ZNF625: variants seen among roughly 807,000 people sequenced by gnomAD.
ZNF625 encodes the protein zinc finger protein 625.
A neutral mutation model predicts 11.1 loss-of-function variants in ZNF625; 8 were observed. That is an observed-to-expected ratio of 0.72 (90% CI 0.42 to 1.30). ZNF625 has a LOEUF of 1.30. Ranked by LOEUF, ZNF625 falls within the 50% of genes most tolerant of loss-of-function variation. The pLI, the probability that ZNF625 is intolerant of heterozygous loss-of-function variation, is 0.01. For missense variants in ZNF625, 349 were observed against 447.6 expected (o/e 0.78, Z 1.99); for synonymous variants, 145 against 153.4 (o/e 0.95, Z 0.41).
chr19:12,156,391 A>C (rs1568392076), intron 1 of ZNF625, among the ~76,000 whole-genome samples, 165 bp downstream of exon 1: 1 of 151,396 alleles, frequency 6.6e-6, no homozygotes, highest in Non-Finnish European at 1.5e-5. Flanking sequence ...TGCCGGCCCA[A>C]CCCCACCCTG....
At chr19:12,155,588 A>C (rs2145616550) in intron 1 of ZNF625, among the ~76,000 whole-genome samples, 1 of 152,224 alleles carries the variant, frequency 6.6e-6, no homozygotes, top group African/African-American at 2.4e-5. Context: ...AAATGAATAA[A>C]ACCAAACTGC....
At chr19:12,148,765 C>A (rs888300738) in intron 1 of ZNF625, among the ~76,000 whole-genome samples, 1 of 151,436 alleles carries the variant, frequency 6.6e-6, no homozygotes, top group African/African-American at 2.4e-5. Flanking sequence ...GGATTACAGG[C>A]GCCCGCCACC....
rs921904270 is a variant in ZNF625, at chr19:12,147,743, C to A, written c.63G>T (p.Leu21=). ...TGTAGAGATTCTTCTGGGAAGGATC[C>A]AGCAAAGCCCACTCCTCCTGGGTGA... The part of the protein sequence containing the change: ...VNFTQEEWAL[L]DPSQKNLYRD... Residue 21 remains leucine, a synonymous_variant, in exon 2 of 4, where the codon CTG becomes CTT. Coordinates refer to ENST00000439556, the MANE Select transcript of ZNF625 (RefSeq NM_145233.4). The A allele has an allele frequency of 1.9e-6, 3 of 1,614,110 alleles. No homozygotes were observed. The highest frequency in any genetic ancestry group is 2.5e-6 in the Non-Finnish European group (3 of 1,180,004).
intron 2 of ZNF625, 35 bp downstream of exon 2, chr19:12,147,641 T>G: frequency 6.2e-7 from 1 of 1,613,402 alleles, no homozygotes; most frequent in Non-Finnish European, 8.5e-7. Context: ...ACTTGTTCTC[T>G]AATTCACTGA....
At position 12,145,708 on chromosome 19, in the gene ZNF625, T is replaced by C; in HGVS notation, c.708A>G (p.Ile236Met). 1 of 1,614,136 alleles carries C rather than the reference T, an allele frequency of 6.2e-7. No individual in the cohort carries two copies. Among genetic ancestry groups the C allele is most frequent in the Non-Finnish European group, 8.5e-7 (1 of 1,180,022 alleles). ...KAFSHSGSLR[I>M]HERTHTGEKP... The stretch of plus-strand genomic sequence containing the variant: ...TCTCTCCAGTGTGAGTTCTTTCATG[T>C]ATTCGAAGGCTACCAGAATGACTAA... Residue 236 changes from isoleucine (I) to methionine (M), a missense_variant, in exon 4 of 4, where the codon ATA becomes ATG. Coordinates refer to ENST00000439556, the MANE Select transcript of ZNF625 (RefSeq NM_145233.4).
Position 12,145,204 on chromosome 19 carries a change from G to T in ZNF625, c.*93C>A. 2 of 1,368,380 alleles carry T rather than the reference G, an allele frequency of 1.5e-6. No homozygotes were observed. Among genetic ancestry groups the T allele is most frequent in the Non-Finnish European group, 2.0e-6 (2 of 1,005,466 alleles). The allele number at this position is 1,368,380 out of a possible 1,614,324, so 84.8% of individuals were successfully genotyped here. A position where few individuals can be genotyped will look rare whatever the true frequency, so the allele number is the denominator to read the frequency against. On this transcript the variant is annotated 3_prime_UTR_variant, in exon 4 of 4. Transcript: ENST00000439556. ...CTGTCAAATGACAGTGACTGCAGAA[G>T]CTTCAGAATAATTTTGCGATGGTTC... is the stretch of plus-strand genomic sequence containing the variant.
rs200681416 is a variant in ZNF625 at position 12,145,636 on chromosome 19, T to C, written c.780A>G (p.Thr260=). The C allele has an allele frequency of 1.2e-6, 2 of 1,613,856 alleles. No individual in the cohort carries two copies. Among genetic ancestry groups the C allele is most frequent in the African/African-American group, 2.7e-5 (2 of 74,900 alleles). Residue 260 remains threonine (T), a synonymous_variant, in exon 4 of 4, where the codon ACA becomes ACG. Transcript: ENST00000439556. ...GAGTTATTTTATGTGCATGGAGGCA[T>C]GTGGAACTATGGAATGCTTTCCCAC... ...SECGKAFHSS[T]CLHAHKITHT... is the part of the protein sequence containing the mutation.
At chr19:12,148,874 G>A (rs1261236691) in intron 1 of ZNF625, among the ~76,000 whole-genome samples, 14 of 151,324 alleles carry the variant, frequency 9.3e-5, no homozygotes, top group Admixed American at 5.9e-4. Context: ...CACCTGTCTC[G>A]GCCTCCCAAA....
intron 1 of ZNF625, among the ~76,000 whole-genome samples, chr19:12,155,980 G>A (rs953225966): frequency 6.6e-6 from 1 of 151,916 alleles, no homozygotes; most frequent in Non-Finnish European, 1.5e-5. Flanking sequence ...CCCCCCAGTA[G>A]CTGGGATTAC....
At chr19:12,152,410 C>A (rs1976968422) in intron 1 of ZNF625, among the ~76,000 whole-genome samples, 1 of 152,144 alleles carries the variant, frequency 6.6e-6, no homozygotes, top group Admixed American at 6.6e-5. Context: ...GCATTCAATT[C>A]AGGAAAGCAA....
In ZNF625 at chr19:12,147,441, C is replaced by A. The variant is rs144252279; in HGVS notation, c.145G>T (p.Asp49Tyr). Residue 49 changes from aspartate to tyrosine, a missense_variant, in exon 3 of 4, where the codon GAT becomes TAT. Asp to Tyr is a radical substitution (Grantham distance 160). Coordinates refer to ENST00000439556, the MANE Select transcript of ZNF625 (RefSeq NM_145233.4). ...NLASVGKKWK[D>Y]QKIEDEYKNP... ...TTGTACTCATCTTCAATTTTCTGATCTTTCCATTTTTTTCCTAAAATACAG... is the reference window on the plus strand; with the variant it reads ...TTGTACTCATCTTCAATTTTCTGATATTTCCATTTTTTTCCTAAAATACAG... The A allele has an allele frequency of 9.9e-4, 1,522 of 1,532,168 alleles. 17 individuals carry two copies. The highest frequency in any genetic ancestry group is 9.4e-3 in the South Asian group (758 of 80,848). 94.9% of individuals were successfully genotyped at this position (1,532,168 alleles called of 1,614,324 possible).
At chr19:12,146,338 G>A (rs1976872666) in intron 3 of ZNF625, 114 bp from the exon 4 acceptor site, 2 of 995,038 alleles carry the variant, frequency 2.0e-6, no homozygotes, top group African/African-American at 1.6e-5. Context: ...TAGGCTTTCT[G>A]CCCTGTCTGA....
chr19:12,148,574 G>T (rs1976909432), intron 1 of ZNF625, among the ~76,000 whole-genome samples: 2 of 151,698 alleles, frequency 1.3e-5, no homozygotes, highest in Non-Finnish European at 2.9e-5. Context: ...AAATGGCTCA[G>T]CCCCTATGGA....
At chr19:12,149,537 T>G (rs1037259089) in intron 1 of ZNF625, among the ~76,000 whole-genome samples, 5 of 152,116 alleles carry the variant, frequency 3.3e-5, no homozygotes, top group African/African-American at 1.2e-4. Context: ...GTTGTCTAAC[T>G]AAATCAACTG....
In ZNF625 at chr19:12,146,077, A is replaced by T; in HGVS notation, c.339T>A (p.Asn113Lys). Residue 113 changes from asparagine to lysine, a missense_variant, in exon 4 of 4, where the codon AAT (asparagine) becomes AAA (lysine). Asn to Lys is a moderately conservative substitution (Grantham distance 94). Coordinates refer to ENST00000439556, the MANE Select transcript of ZNF625 (RefSeq NM_145233.4). ...GEVSVGHASL[N>K]RHHRADTGHK... ...GTCCAGTGTCAGCTCTGTGGTGCCT[A>T]TTAAGGGATGCATGACCCACGCTGA... The T allele has an allele frequency of 1.2e-6, 2 of 1,614,044 alleles. No individual in the cohort carries two copies. The highest frequency in any genetic ancestry group is 1.7e-6 in the Non-Finnish European group (2 of 1,179,986).
At chr19:12,148,181 T>C (rs951989110) in intron 1 of ZNF625, among the ~76,000 whole-genome samples, 2 of 152,130 alleles carry the variant, frequency 1.3e-5, no homozygotes, top group African/African-American at 2.4e-5. Context: ...GGTTTTACCA[T>C]GTTGGCCAGA....
Position 12,145,604 on chromosome 19 carries a change from C to G in ZNF625, c.812G>C (p.Gly271Ala), listed in dbSNP as rs534761350. Residue 271 changes from glycine (G) to alanine (A), a missense_variant, in exon 4 of 4, where the codon GGG (glycine) becomes GCG (alanine). By Grantham distance (60) the Gly-to-Ala change is moderately conservative (BLOSUM62 0). Coordinates refer to ENST00000439556, the MANE Select transcript of ZNF625 (RefSeq NM_145233.4). Reference sequence around the variant, plus strand: ...CTGTTTACATTCATACGGCTTCTCCCCAGTGTGAGTTATTTTATGTGCATG... The same window carrying G: ...CTGTTTACATTCATACGGCTTCTCCGCAGTGTGAGTTATTTTATGTGCATG... ...CLHAHKITHTGEKPYECKQCG... is the reference protein window; with the variant it reads ...CLHAHKITHTAEKPYECKQCG... The G allele has an allele frequency of 2.5e-6, 4 of 1,614,164 alleles. No homozygotes were observed. The highest frequency in any genetic ancestry group is 2.5e-6 in the Non-Finnish European group (3 of 1,180,030).
intron 1 of ZNF625, among the ~76,000 whole-genome samples, chr19:12,151,282 G>A (rs1331374480): frequency 6.7e-6 from 1 of 149,198 alleles, no homozygotes; most frequent in Non-Finnish European, 1.5e-5. Context: ...TGCAATCACA[G>A]CTCACTGCAG....
Position 12,145,668 on chromosome 19 carries a change from T to C in ZNF625, c.748A>G (p.Ser250Gly). The C allele has an allele frequency of 6.2e-7, 1 of 1,614,220 alleles. No individual in the cohort carries two copies. The highest frequency in any genetic ancestry group is 8.5e-7 in the Non-Finnish European group (1 of 1,180,040). Residue 250 changes from serine (S) to glycine (G), a missense_variant, in exon 4 of 4, where the codon AGT becomes GGT. Transcript: ENST00000439556. Reference protein sequence around the residue: ...THTGEKPYECSECGKAFHSST... With the variant: ...THTGEKPYECGECGKAFHSST... ...CTATGGAATGCTTTCCCACACTCAC[T>C]GCATTCATAAGGCTTCTCTCCAGTG...
Sources: allele counts gnomAD v4.1 joint callset (sites outside exome capture counted in the v4.1 genomes callset), GRCh38; gene constraint gnomAD v4.1.1; transcripts MANE v1.5; gene names NCBI Gene and HGNC (gene_info 2026-07-23, HGNC 2026-07-21).